The following ATP13A5 variants were observed in gnomAD, a reference collection of about 807,000 sequenced individuals.
ATP13A5 encodes probable cation-transporting ATPase 13A5.
Under a neutral mutation model 150.2 loss-of-function variants are expected in ATP13A5, and 149 were observed. The ratio of observed to expected loss-of-function variants is 0.99; its 90% CI spans 0.87 to 1.14. The LOEUF is 1.14. ATP13A5 is among the 50% of genes most tolerant of loss of function. ATP13A5 has a pLI of 0.00. For synonymous variants in ATP13A5, 497 were observed against 522.2 expected, an observed-to-expected ratio of 0.95 and a Z score of 0.66; for missense variants, 1,383 against 1,449.3, an observed-to-expected ratio of 0.95 and a Z score of 0.74.
At chr3:193,322,219 A>C (rs546786333) in intron 15 of ATP13A5, among the ~76,000 whole-genome samples, 1 of 152,148 alleles carries the variant, frequency 6.6e-6, no homozygotes, top group African/African-American at 2.4e-5. Flanking sequence ...TGATTTTTCT[A>C]TGAGTCTACC....
At chr3:193,350,126 A>G (rs1275363751) in intron 7 of ATP13A5, among the ~76,000 whole-genome samples, 1 of 152,054 alleles carries the variant, frequency 6.6e-6, no homozygotes, top group African/African-American at 2.4e-5. Flanking sequence ...TATAAAGTGA[A>G]AAATGAAAGT....
chr3:193,305,330 G>GT (rs1392531276), intron 23 of ATP13A5, among the ~76,000 whole-genome samples: 6 of 152,178 alleles, frequency 3.9e-5, no homozygotes, highest in African/African-American at 1.4e-4. Flanking sequence ...GCTTTCAACT[G>GT]TTTACATGAT....
At chr3:193,334,046 T>C in intron 10 of ATP13A5, 139 bp from the exon 11 acceptor site, 1 of 747,660 alleles carries the variant, frequency 1.3e-6, no homozygotes, top group Non-Finnish European at 2.0e-6. Context: ...TTTCAGGTGG[T>C]TTTCATGATT....
intron 1 of ATP13A5, among the ~76,000 whole-genome samples, chr3:193,374,299 C>CAGAGAG (rs749292538): frequency 8.6e-6 from 1 of 116,012 alleles, no homozygotes; most frequent in Admixed American, 8.6e-5. Flanking sequence ...CACACACACA[C>CAGAGAG]ACAGAGAGAG....
chr3:193,277,057 C>T (rs888289188), intron 28 of ATP13A5, among the ~76,000 whole-genome samples: 13 of 152,164 alleles, frequency 8.5e-5, no homozygotes, highest in African/African-American at 2.4e-4. Flanking sequence ...GTACCTTTGA[C>T]AGCCTCATGG....
chr3:193,295,340 T>C (rs998624542), intron 25 of ATP13A5, among the ~76,000 whole-genome samples: 1 of 152,026 alleles, frequency 6.6e-6, no homozygotes, highest in African/African-American at 2.4e-5. Context: ...ACTTTCCTAT[T>C]TTGATGTGAA....
chr3:193,308,202 G>A (rs564139288), intron 21 of ATP13A5, among the ~76,000 whole-genome samples: 1 of 152,338 alleles, frequency 6.6e-6, no homozygotes, highest in African/African-American at 2.4e-5. Flanking sequence ...GCTCACACCT[G>A]TAATCCCAGC....
At chr3:193,295,070 G>A (rs1718110983) in intron 25 of ATP13A5, among the ~76,000 whole-genome samples, 1 of 152,050 alleles carries the variant, frequency 6.6e-6, no homozygotes. Context: ...GGGGACATCT[G>A]TAATTTTACA....
chr3:193,358,940 T>A lies in ATP13A5; in HGVS notation c.536+3441A>T, dbSNP rs925714499. On this transcript the variant is annotated intron_variant, in intron 5 of 29. Transcript: ENST00000342358. ...TAGGGCTTTGCTCTAAATAAGGCAGTAGAGTTAAGTGGTTTTATACTTTAA... is the reference window on the plus strand; with the variant it reads ...TAGGGCTTTGCTCTAAATAAGGCAGAAGAGTTAAGTGGTTTTATACTTTAA... Among the ~76,000 whole-genome samples the A allele has an allele frequency of 2.6e-5, 4 of 152,166 alleles. No homozygotes were observed. The South Asian group carries it at 8.3e-4, about 32-fold the overall frequency.
At chr3:193,336,146 G>T (rs760953171) in intron 9 of ATP13A5, among the ~76,000 whole-genome samples, 25 of 151,918 alleles carry the variant, frequency 1.6e-4, no homozygotes, top group Non-Finnish European at 3.2e-4. Context: ...CTCTTTCTAG[G>T]TCATAACTGG....
Position 193,305,576 on chromosome 3 carries a change from A to G in ATP13A5, c.2661T>C (p.Cys887=). 4 of 1,613,826 alleles carry G rather than the reference A, an allele frequency of 2.5e-6. No individual in the cohort carries two copies. Among genetic ancestry groups the G allele is most frequent in the Non-Finnish European group, 3.4e-6 (4 of 1,179,760 alleles). Reference sequence around the variant, plus strand: ...TGACTTACCTGATGAGATGAGGCACACACTGGATGTTGGTTGTTTTAGAGG... The same window carrying G: ...TGACTTACCTGATGAGATGAGGCACGCACTGGATGTTGGTTGTTTTAGAGG... The part of the protein sequence containing the change: ...PFTSKTTNIQ[C]VPHLIREGRA... The change falls in exon 23 of 30, where the codon TGT becomes TGC. Residue 887 remains cysteine, a synonymous_variant. Transcript: ENST00000342358.
At chr3:193,349,865 A>T (rs952406182) in intron 7 of ATP13A5, among the ~76,000 whole-genome samples, 1 of 152,170 alleles carries the variant, frequency 6.6e-6, no homozygotes, top group Non-Finnish European at 1.5e-5. Flanking sequence ...AAACATACAT[A>T]TGCCTTGATG....
intron 21 of ATP13A5, among the ~76,000 whole-genome samples, chr3:193,308,114 G>T (rs115954066): frequency 0.015 from 2,279 of 152,232 alleles, 39 homozygotes; most frequent in African/African-American, 0.037. Context: ...TTAGCGTTTC[G>T]TTATTATTAG....
At chr3:193,276,391 C>T (rs1717201901) in intron 29 of ATP13A5, among the ~76,000 whole-genome samples, 1 of 152,170 alleles carries the variant, frequency 6.6e-6, no homozygotes, top group Non-Finnish European at 1.5e-5. Flanking sequence ...GAAGGCAGTT[C>T]TTCACTCTAA....
intron 8 of ATP13A5, among the ~76,000 whole-genome samples, chr3:193,344,268 A>T (rs1712241670): frequency 6.6e-6 from 1 of 152,208 alleles, no homozygotes; most frequent in African/African-American, 2.4e-5. Flanking sequence ...AAGCAACAGG[A>T]TCCCATCTTG....
At position 193,301,267 on chromosome 3, in the gene ATP13A5, T is replaced by A. The variant is rs779977926; in HGVS notation, c.2719A>T (p.Lys907Ter). ...AALVSSFGVF[K>*]YLTMYGIIQF... The stretch of plus-strand genomic sequence containing the variant: ...ATTATGCCGTACATGGTCAAGTATT[T>A]AAATACTCCAAAGGATGAAACCAGA... The change falls in exon 24 of 30, where the codon AAA (lysine) becomes TAA (stop). Residue 907 changes from lysine to a stop codon, truncating the protein, a stop_gained. Transcript: ENST00000342358. LOFTEE classifies it high-confidence loss of function. 5.0e-6 allele frequency: 8 copies of A among 1,613,536 alleles called. No individual in the cohort carries two copies. The highest frequency in any genetic ancestry group is 1.7e-6 in the Non-Finnish European group (2 of 1,179,640).
At chr3:193,354,325 C>T in intron 5 of ATP13A5, 129 bp from the exon 6 acceptor site, 1 of 785,340 alleles carries the variant, frequency 1.3e-6, no homozygotes, top group Non-Finnish European at 2.0e-6. Flanking sequence ...AAATAATGTG[C>T]AAGTTCTTTT....
chr3:193,333,992 A>C, intron 10 of ATP13A5, 85 bp from the exon 11 acceptor site: 1 of 1,268,686 alleles, frequency 7.9e-7, no homozygotes, highest in Non-Finnish European at 1.1e-6. Flanking sequence ...TTTGAGGAAA[A>C]GAGTAGAGTG....
chr3:193,308,984 T>C (rs962055347), intron 21 of ATP13A5, among the ~76,000 whole-genome samples: 2 of 152,188 alleles, frequency 1.3e-5, no homozygotes, highest in African/African-American at 4.8e-5. Context: ...CTATGAATGC[T>C]TGGGTAACAA....
Sources: allele counts gnomAD v4.1 joint callset (sites outside exome capture counted in the v4.1 genomes callset), GRCh38; gene constraint gnomAD v4.1.1; transcripts MANE v1.5; gene names NCBI Gene and HGNC (gene_info 2026-07-23, HGNC 2026-07-21).